Variants in CSMD1 observed in about 807,000 individuals in gnomAD.
CSMD1 encodes CUB and sushi domain-containing protein 1.
In CSMD1, 213 loss-of-function variants were observed where a neutral mutation model predicts 417.5. The observed-to-expected ratio is 0.51, with a 90% CI of 0.46 to 0.57. The LOEUF is 0.57. Ranked by LOEUF, CSMD1 falls within the 20% of genes least tolerant of loss-of-function variation. CSMD1 has a pLI of 0.00. For synonymous variants in CSMD1, 2,862 were observed against 1,736.8 expected (o/e 1.65, Z -16.11); for missense variants, 6,923 against 4,529.7 (o/e 1.53, Z -15.17).
chr8:4,438,393 T>A (rs530144061), intron 2 of CSMD1, among the ~76,000 whole-genome samples: 1 of 152,252 alleles, frequency 6.6e-6, no homozygotes, highest in Admixed American at 6.5e-5. Flanking sequence ...TAATTATAAA[T>A]ACAGTTGAAG....
At chr8:4,773,663 T>G (rs760695162) in intron 1 of CSMD1, among the ~76,000 whole-genome samples, 2 of 152,204 alleles carry the variant, frequency 1.3e-5, no homozygotes, top group Non-Finnish European at 2.9e-5. Context: ...AATGTGTTTG[T>G]GCAGCCTTTA....
chr8:4,760,262 G>T (rs1170530211), intron 1 of CSMD1, among the ~76,000 whole-genome samples: 1 of 152,146 alleles, frequency 6.6e-6, no homozygotes, highest in South Asian at 2.1e-4. Flanking sequence ...GCTTAAAAAG[G>T]AATGCAAATA....
intron 3 of CSMD1, among the ~76,000 whole-genome samples, chr8:4,114,628 A>T (rs1245841791): frequency 3.3e-5 from 5 of 152,212 alleles, no homozygotes; most frequent in Non-Finnish European, 4.4e-5. Flanking sequence ...TAAATTGAAA[A>T]ACCTTCTGGA....
intron 1 of CSMD1, among the ~76,000 whole-genome samples, chr8:4,690,524 G>GA (rs1323917084): frequency 1.3e-5 from 2 of 152,104 alleles, no homozygotes; most frequent in African/African-American, 4.8e-5. Context: ...GTATTTCCTG[G>GA]AAAATCTATC....
chr8:4,593,862 C>T (rs2617092), intron 2 of CSMD1, among the ~76,000 whole-genome samples: 1 of 151,916 alleles, frequency 6.6e-6, no homozygotes, highest in Non-Finnish European at 1.5e-5. Context: ...TAACAAAATA[C>T]CACAAACAGA....
intron 50 of CSMD1, among the ~76,000 whole-genome samples, chr8:3,035,397 G>T (rs533338811): frequency 2.0e-5 from 3 of 152,100 alleles, no homozygotes; most frequent in East Asian, 3.9e-4. Context: ...AAGTTACAGA[G>T]GAGCAAGGAA....
At chr8:4,535,371 T>C (rs914853856) in intron 2 of CSMD1, among the ~76,000 whole-genome samples, 7 of 152,194 alleles carry the variant, frequency 4.6e-5, no homozygotes, top group Non-Finnish European at 1.0e-4. Context: ...ATTTTTAGAA[T>C]AACAAGTTAC....
intron 5 of CSMD1, among the ~76,000 whole-genome samples, chr8:3,767,334 T>A (rs897395771): frequency 6.6e-6 from 1 of 152,246 alleles, no homozygotes; most frequent in Non-Finnish European, 1.5e-5. Flanking sequence ...GGAGTCATAC[T>A]GACCTGGGTC....
chr8:4,924,055 T>C (rs1303495357), intron 1 of CSMD1, among the ~76,000 whole-genome samples: 2 of 152,214 alleles, frequency 1.3e-5, no homozygotes, highest in African/African-American at 4.8e-5. Flanking sequence ...TCTCAATCAC[T>C]GTAGGCAGAA....
intron 2 of CSMD1, among the ~76,000 whole-genome samples, chr8:4,517,895 G>C (rs1803211421): frequency 6.6e-6 from 1 of 152,112 alleles, no homozygotes; most frequent in Non-Finnish European, 1.5e-5. Context: ...TTTGAGTAGG[G>C]TGTCTAGTAA....
chr8:3,872,033 T>C (rs1364108083), intron 5 of CSMD1, among the ~76,000 whole-genome samples: 1 of 152,230 alleles, frequency 6.6e-6, no homozygotes, highest in Non-Finnish European at 1.5e-5. Flanking sequence ...TAACACATTA[T>C]TTTGGATACA....
At chr8:3,732,016 G>GA (rs1439194688) in intron 6 of CSMD1, among the ~76,000 whole-genome samples, 1 of 150,762 alleles carries the variant, frequency 6.6e-6, no homozygotes, top group Non-Finnish European at 1.5e-5. Context: ...AAGAAGAGCA[G>GA]AATGCATGCT....
intron 49 of CSMD1, among the ~76,000 whole-genome samples, chr8:3,064,197 T>C (rs564161863): frequency 2.6e-5 from 4 of 152,318 alleles, no homozygotes; most frequent in African/African-American, 4.8e-5. Flanking sequence ...AAAACATTGA[T>C]CTGAAGTTTG....
At chr8:4,472,567 G>A (rs1359529735) in intron 2 of CSMD1, among the ~76,000 whole-genome samples, 1 of 152,020 alleles carries the variant, frequency 6.6e-6, no homozygotes, top group South Asian at 2.1e-4. Flanking sequence ...ATAGCTATTA[G>A]AAAGTTATTC....
Position 3,801,048 on chromosome 8 carries a change from G to C in CSMD1, c.819-47006C>G, listed in dbSNP as rs370773602. ...AGCAAAAGAGTAAATCTTTATAACC[G>C]TGGTTGAGGCCATGCTTCCCTTGAT... On this transcript the variant is annotated intron_variant, in intron 5 of 69. Transcript: ENST00000635120. Among the ~76,000 whole-genome samples the C allele has an allele frequency of 4.6e-5, 7 of 151,488 alleles. No homozygotes were observed. The East Asian group carries it at 1.4e-3, about 30-fold the overall frequency.
intron 25 of CSMD1, among the ~76,000 whole-genome samples, chr8:3,294,597 G>A (rs141324615): frequency 2.6e-5 from 4 of 152,156 alleles, no homozygotes; most frequent in Non-Finnish European, 5.9e-5. Flanking sequence ...GTGAGGCTCC[G>A]TGGGGGTAGG....
chr8:3,490,958 C>A (rs1563088162), intron 11 of CSMD1, among the ~76,000 whole-genome samples: 1 of 152,054 alleles, frequency 6.6e-6, no homozygotes, highest in Non-Finnish European at 1.5e-5. Flanking sequence ...TCATGTTCCA[C>A]TGAGGTTTAT....
At chr8:3,178,645 C>T (rs1426424106) in intron 37 of CSMD1, among the ~76,000 whole-genome samples, 3 of 152,248 alleles carry the variant, frequency 2.0e-5, no homozygotes, top group Admixed American at 6.5e-5. Context: ...AATGAGCAGA[C>T]TTCAAAAATA....
intron 54 of CSMD1, among the ~76,000 whole-genome samples, chr8:2,979,021 C>T (rs528073611): frequency 6.6e-5 from 10 of 152,292 alleles, no homozygotes; most frequent in South Asian, 2.1e-4. Flanking sequence ...GCAATTTTCA[C>T]GTGAGGCTAA....
Sources: allele counts gnomAD v4.1 joint callset (sites outside exome capture counted in the v4.1 genomes callset), GRCh38; gene constraint gnomAD v4.1.1; transcripts MANE v1.5; gene names NCBI Gene and HGNC (gene_info 2026-07-23, HGNC 2026-07-21).